Variants in PTCHD4 observed in about 807,000 individuals in gnomAD.
PTCHD4 encodes patched domain-containing protein 4.
PTCHD4 carries 33 observed loss-of-function variants against 58.1 expected under a neutral mutation model. That is an observed-to-expected ratio of 0.57 (90% CI 0.43 to 0.76). The LOEUF (loss-of-function observed/expected upper bound fraction) is 0.76, where lower values mean the gene tolerates loss of function less well. Ranked by LOEUF, PTCHD4 falls within the 30% of genes least tolerant of loss-of-function variation. PTCHD4 has a pLI of 0.00. For synonymous variants in PTCHD4, 478 were observed against 409.6 expected, an observed-to-expected ratio of 1.17 and a Z score of -2.02; for missense variants, 1,058 against 1,027.1, an observed-to-expected ratio of 1.03 and a Z score of -0.41.
intron 4 of PTCHD4, among the ~76,000 whole-genome samples, chr6:47,892,936 T>C (rs1764423301): frequency 6.6e-6 from 1 of 152,208 alleles, no homozygotes; most frequent in African/African-American, 2.4e-5. Flanking sequence ...ATTCTGATCA[T>C]TGGAATAGTC....
At position 47,877,215 on chromosome 6, in the gene PTCHD4, T is replaced by A. The variant is rs771997640; in HGVS notation, c.*1088A>T. Among the ~76,000 whole-genome samples, 6 of 152,030 alleles carry A rather than the reference T, an allele frequency of 3.9e-5. No homozygotes were observed. Among genetic ancestry groups the A allele is most frequent in the Non-Finnish European group, 7.4e-5 (5 of 67,972 alleles). On this transcript the variant is annotated 3_prime_UTR_variant, in exon 5 of 5. Coordinates refer to ENST00000339488, the MANE Select transcript of PTCHD4 (RefSeq NM_001384253.1). ...TCCTAGTTATGTCTCCTTTCTCCTA[T>A]GTTAATTATCTATATTCCATGACAG...
At chr6:48,035,740 C>A (rs183936285) in intron 3 of PTCHD4, among the ~76,000 whole-genome samples, 1 of 152,212 alleles carries the variant, frequency 6.6e-6, no homozygotes, top group Admixed American at 6.6e-5. Context: ...CTGCATTATA[C>A]CCCAGCTGAT....
At chr6:47,917,936 A>G (rs1765310855) in intron 4 of PTCHD4, among the ~76,000 whole-genome samples, 1 of 152,198 alleles carries the variant, frequency 6.6e-6, no homozygotes, top group African/African-American at 2.4e-5. Flanking sequence ...CATAACGTCA[A>G]ACTTCAGTTG....
intron 4 of PTCHD4, among the ~76,000 whole-genome samples, chr6:47,882,907 A>G (rs1263677923): frequency 6.6e-6 from 1 of 151,392 alleles, no homozygotes; most frequent in Admixed American, 6.6e-5. Flanking sequence ...ATTTTATCTT[A>G]CTTTTATACT....
At chr6:47,897,198 T>G (rs2114138172) in intron 4 of PTCHD4, among the ~76,000 whole-genome samples, 1 of 152,296 alleles carries the variant, frequency 6.6e-6, no homozygotes, top group South Asian at 2.1e-4. Flanking sequence ...TTCTTTTCAC[T>G]CTTTAACTAT....
intron 4 of PTCHD4, among the ~76,000 whole-genome samples, chr6:48,007,402 C>A (rs1433182388): frequency 6.6e-6 from 1 of 152,094 alleles, no homozygotes. Context: ...AAGAAAGGGC[C>A]TATGTCACCT....
chr6:47,879,172 G>A lies in PTCHD4; in HGVS notation c.1663C>T (p.Leu555=). ...TTGGCACTGACGTTGCTGACTTTCA[G>A]GAACTGGTAGTACTGCTCCACCCAG... The part of the protein sequence containing the change: ...VSWVEQYYQF[L]KVSNVSANNK... The change falls in exon 5 of 5, where the codon CTG becomes TTG. Residue 555 remains leucine (L), a synonymous_variant. Transcript: ENST00000339488. The A allele has an allele frequency of 6.2e-7, 1 of 1,612,140 alleles. No homozygotes were observed. Among genetic ancestry groups the A allele is most frequent in the Non-Finnish European group, 8.5e-7 (1 of 1,179,710 alleles).
chr6:48,050,305 T>A (rs1035333628), intron 3 of PTCHD4, among the ~76,000 whole-genome samples: 6 of 152,032 alleles, frequency 3.9e-5, no homozygotes, highest in African/African-American at 1.4e-4. Flanking sequence ...AATATACTTT[T>A]ATTAGTTCTA....
intron 4 of PTCHD4, among the ~76,000 whole-genome samples, chr6:47,980,803 T>G (rs1174133877): frequency 1.3e-5 from 2 of 151,888 alleles, no homozygotes; most frequent in Non-Finnish European, 2.9e-5. Flanking sequence ...GAAAGACAAG[T>G]GATACACTGT....
In PTCHD4 at chr6:47,958,062, G is replaced by C. The variant is rs115277755; in HGVS notation, c.898+50572C>G. Among the ~76,000 whole-genome samples the C allele has an allele frequency of 7.0e-3, 1,067 of 152,260 alleles. 15 individuals are homozygous for C. Among genetic ancestry groups the C allele is most frequent in the African/African-American group, 0.023 (958 of 41,536 alleles). On this transcript the variant is annotated intron_variant, in intron 4 of 4. Coordinates refer to ENST00000339488, the MANE Select transcript of PTCHD4 (RefSeq NM_001384253.1). ...CTCTTTAGCTACTGATAGAAAATGT[G>C]ATGCCTTTTATTTTTAACAAATATG...
chr6:47,891,301 C>T (rs1473940465), intron 4 of PTCHD4, among the ~76,000 whole-genome samples: 1 of 151,272 alleles, frequency 6.6e-6, no homozygotes, highest in Non-Finnish European at 1.5e-5. Flanking sequence ...GGCCATGGTG[C>T]TGCCAGGAGT....
intron 4 of PTCHD4, among the ~76,000 whole-genome samples, chr6:47,917,562 A>C (rs928490378): frequency 6.6e-6 from 1 of 152,166 alleles, no homozygotes; most frequent in African/African-American, 2.4e-5. Flanking sequence ...TTAGTTCATC[A>C]ACCATCTTGA....
intron 4 of PTCHD4, among the ~76,000 whole-genome samples, chr6:47,988,341 C>G (rs6928424): frequency 6.6e-6 from 1 of 151,894 alleles, no homozygotes. Flanking sequence ...CAATTTTTTG[C>G]AAAAATAGTG....
At chr6:48,110,743 T>A (rs1765853802) in intron 1 of PTCHD4, among the ~76,000 whole-genome samples, 1 of 148,686 alleles carries the variant, frequency 6.7e-6, no homozygotes, top group Admixed American at 6.7e-5. Context: ...AAGTAACATT[T>A]AAAAATATAC....
Position 47,934,772 on chromosome 6 carries a change from A to G in PTCHD4, c.899-54836T>C, listed in dbSNP as rs551431640. On this transcript the variant is annotated intron_variant, in intron 4 of 4. Coordinates refer to ENST00000339488, the MANE Select transcript of PTCHD4 (RefSeq NM_001384253.1). ...CTTCCTCACCCACTTTGATTCTGTT[A>G]TCTTCATCTCTTGGTGAGAAATATT... Among the ~76,000 whole-genome samples, 81 of 152,274 alleles carry G rather than the reference A, an allele frequency of 5.3e-4. 1 individual carries two copies. Among genetic ancestry groups the G allele is most frequent in the Admixed American group, 2.1e-3 (32 of 15,298 alleles).
rs1763934186 is a variant in PTCHD4, at chr6:47,879,024, C to T, written c.1811G>A (p.Arg604His). 5 of 1,613,428 alleles carry T rather than the reference C, an allele frequency of 3.1e-6. No homozygotes were observed. The highest frequency in any genetic ancestry group is 4.2e-6 in the Non-Finnish European group (5 of 1,179,750). ...AGDESNIIASRLYLVARTSRD... is the reference protein window; with the variant it reads ...AGDESNIIASHLYLVARTSRD... ...GCTAGTCCTGGCCACCAGATACAAG[C>T]GAGAAGCAATGATATTGCTTTCATC... Residue 604 changes from arginine (R) to histidine (H), a missense_variant, in exon 5 of 5, where the codon CGC (arginine) becomes CAC (histidine). Arg to His is a conservative substitution (Grantham distance 29, BLOSUM62 0). Transcript: ENST00000339488.
At chr6:47,996,755 A>T (rs372935298) in intron 4 of PTCHD4, among the ~76,000 whole-genome samples, 58 of 152,342 alleles carry the variant, frequency 3.8e-4, no homozygotes, top group African/African-American at 1.3e-3. Context: ...AAACATGAAA[A>T]GGTACAACTT....
chr6:47,961,562 G>A (rs867141518), intron 4 of PTCHD4, among the ~76,000 whole-genome samples: 96 of 152,154 alleles, frequency 6.3e-4, no homozygotes, highest in African/African-American at 2.3e-3. Context: ...CCAAAATGCT[G>A]AGATTACAGG....
At chr6:48,045,159 C>G (rs946009292) in intron 3 of PTCHD4, among the ~76,000 whole-genome samples, 23 of 151,768 alleles carry the variant, frequency 1.5e-4, no homozygotes, top group African/African-American at 3.9e-4. Flanking sequence ...CCCTCTGGCT[C>G]CAGTCGGCCC....
Sources: allele counts gnomAD v4.1 joint callset (sites outside exome capture counted in the v4.1 genomes callset), GRCh38; gene constraint gnomAD v4.1.1; transcripts MANE v1.5; gene names NCBI Gene and HGNC (gene_info 2026-07-23, HGNC 2026-07-21).